PHACTR4: variants seen among roughly 807,000 people sequenced by gnomAD.
PHACTR4 encodes phosphatase and actin regulator 4.
A neutral mutation model predicts 72.7 loss-of-function variants in PHACTR4; 51 were observed. That is an observed-to-expected ratio of 0.70 (90% CI 0.56 to 0.89). The LOEUF (loss-of-function observed/expected upper bound fraction) is 0.89, where lower values mean the gene tolerates loss of function less well. PHACTR4 is among the 40% of genes least tolerant of loss of function. The probability of loss-of-function intolerance (pLI) is 0.00; values close to 1 mark genes in which losing one functional copy is unlikely to be tolerated. For missense variants in PHACTR4, 731 were observed against 861.8 expected, an observed-to-expected ratio of 0.85 and a Z score of 1.90; for synonymous variants, 255 against 302.5, an observed-to-expected ratio of 0.84 and a Z score of 1.63.
intron 8 of PHACTR4, among the ~76,000 whole-genome samples, chr1:28,478,495 G>A (rs1052516732): frequency 3.3e-5 from 5 of 152,170 alleles, no homozygotes; most frequent in African/African-American, 1.2e-4. Context: ...GCAGAGGCAC[G>A]ATCTCAGCTC....
intron 6 of PHACTR4, among the ~76,000 whole-genome samples, chr1:28,469,783 T>C (rs931598639): frequency 6.6e-6 from 1 of 152,160 alleles, no homozygotes; most frequent in East Asian, 1.9e-4. Context: ...GGGCCAGGCA[T>C]GGTGGCTCAT....
rs758524151 is a variant in PHACTR4 at position 28,466,592 on chromosome 1, G to A, written c.647G>A (p.Ser216Asn). The A allele has an allele frequency of 3.1e-6, 5 of 1,613,944 alleles. No homozygotes were observed. In the African/African-American group the frequency reaches 4.0e-5, roughly 13 times the overall value. Residue 216 changes from serine to asparagine, a missense_variant, in exon 6 of 14, where the codon AGC (serine) becomes AAC (asparagine). Around this residue, in one of 2 missense-constraint regions of PHACTR4, gnomAD observed 621 missense variants for 676.6 expected, o/e 0.92. Transcript: ENST00000373839. ...TAPAATTAAT[S>N]LAKTVNLSVT... ...CCCGCTGCCACCACTGCTGCCACAA[G>A]CCTTGCAAAGACTGTTAATCTCTCT...
intron 1 of PHACTR4, among the ~76,000 whole-genome samples, chr1:28,404,062 C>T (rs1480203828): frequency 6.6e-6 from 1 of 151,824 alleles, no homozygotes; most frequent in Non-Finnish European, 1.5e-5. Flanking sequence ...TTTTGGGGGA[C>T]GTTTGTTTTT....
chr1:28,488,693 G>A (rs1660858655), intron 9 of PHACTR4, among the ~76,000 whole-genome samples: 1 of 150,750 alleles, frequency 6.6e-6, no homozygotes, highest in African/African-American at 2.4e-5. Context: ...AAGAAGTTTT[G>A]TGAAAAAAAA....
chr1:28,491,208 TA>T (rs879678760), intron 11 of PHACTR4, among the ~76,000 whole-genome samples, 196 bp downstream of exon 11: 746 of 109,314 alleles, frequency 6.8e-3, no homozygotes, highest in African/African-American at 6.1e-3. Context: ...GTGTCTACAT[TA>T]AAAAAAAAAA....
intron 1 of PHACTR4, among the ~76,000 whole-genome samples, chr1:28,393,603 T>C (rs1257171326): frequency 2.0e-5 from 3 of 152,210 alleles, no homozygotes; most frequent in African/African-American, 7.2e-5. Flanking sequence ...GTATAGTATA[T>C]AATACTTGAT....
chr1:28,487,727 G>GTTGTTTTTTTTTT (rs1660774578), intron 9 of PHACTR4, among the ~76,000 whole-genome samples: 7 of 63,310 alleles, frequency 1.1e-4, no homozygotes, highest in South Asian at 5.5e-4. Flanking sequence ...GTTTTTTGTT[G>GTTGTTTTTTTTTT]TTTTTTTTTT....
intron 6 of PHACTR4, among the ~76,000 whole-genome samples, chr1:28,472,656 C>T (rs1570061179): frequency 6.6e-6 from 1 of 151,538 alleles, no homozygotes; most frequent in East Asian, 1.9e-4. Flanking sequence ...GCCTGGAGTG[C>T]AGTGGCATGA....
intron 1 of PHACTR4, among the ~76,000 whole-genome samples, chr1:28,397,952 A>G (rs1653645083): frequency 6.6e-6 from 1 of 151,802 alleles, no homozygotes; most frequent in Admixed American, 6.6e-5. Flanking sequence ...TGACCTCATG[A>G]TCCGCCCGCC....
chr1:28,401,369 C>T (rs1653933855), intron 1 of PHACTR4, among the ~76,000 whole-genome samples: 2 of 147,546 alleles, frequency 1.4e-5, no homozygotes, highest in Admixed American at 6.8e-5. Flanking sequence ...TGCAGTGGCA[C>T]GATCTTGGCT....
At chr1:28,468,258 A>T (rs1659335930) in intron 6 of PHACTR4, among the ~76,000 whole-genome samples, 1 of 152,190 alleles carries the variant, frequency 6.6e-6, no homozygotes, top group Non-Finnish European at 1.5e-5. Context: ...TATCTTTTCC[A>T]TAGGTAGGGC....
chr1:28,375,242 T>A (rs543931764), intron 1 of PHACTR4, among the ~76,000 whole-genome samples: 27 of 152,030 alleles, frequency 1.8e-4, no homozygotes, highest in African/African-American at 6.0e-4. Context: ...GAGGTTGCAG[T>A]GAGCAGAGAT....
chr1:28,486,913 A>T (rs2124543273), intron 9 of PHACTR4, among the ~76,000 whole-genome samples: 1 of 151,846 alleles, frequency 6.6e-6, no homozygotes, highest in South Asian at 2.1e-4. Flanking sequence ...CTCTAATTCC[A>T]GCCCTTTGGG....
At chr1:28,391,265 G>A (rs909183795) in intron 1 of PHACTR4, among the ~76,000 whole-genome samples, 3 of 150,518 alleles carry the variant, frequency 2.0e-5, no homozygotes, top group Non-Finnish European at 4.4e-5. Flanking sequence ...CGGGCGTGGT[G>A]GTGGGCACCT....
Position 28,474,022 on chromosome 1 carries a change from T to C in PHACTR4, c.1292T>C (p.Met431Thr). ...IQQALTSPLP[M>T]TPILEGSHRA... is the part of the protein sequence containing the mutation. ...CAGGCCCTCACCAGCCCACTTCCCA[T>C]GACTCCTATTCTGGAGGGTTCTCAC... Residue 431 changes from methionine (M) to threonine (T), a missense_variant, in exon 7 of 14, where the codon ATG (methionine) becomes ACG (threonine). Met to Thr is a moderately conservative substitution (Grantham distance 81). Transcript: ENST00000373839. 1.2e-6 allele frequency: 2 copies of C among 1,614,180 alleles called. No homozygotes were observed. Among genetic ancestry groups the C allele is most frequent in the Non-Finnish European group, 1.7e-6 (2 of 1,180,024 alleles).
intron 2 of PHACTR4, among the ~76,000 whole-genome samples, chr1:28,443,451 C>CT (rs919352897): frequency 6.0e-4 from 87 of 145,324 alleles, no homozygotes; most frequent in Middle Eastern, 3.5e-3. Flanking sequence ...CCAGCTAATT[C>CT]TTTTTTTTTT....
intron 2 of PHACTR4, among the ~76,000 whole-genome samples, chr1:28,440,163 G>A (rs1258094575): frequency 2.0e-5 from 3 of 151,384 alleles, no homozygotes; most frequent in African/African-American, 7.3e-5. Context: ...TCAGCTGGGC[G>A]TGGTGGCGGG....
intron 6 of PHACTR4, among the ~76,000 whole-genome samples, chr1:28,472,167 G>T (rs1659602245): frequency 6.6e-6 from 1 of 150,840 alleles, no homozygotes; most frequent in South Asian, 2.1e-4. Flanking sequence ...GAGCCGAGAT[G>T]GCACCACTGC....
chr1:28,411,580 G>T (rs1250800438), intron 2 of PHACTR4, among the ~76,000 whole-genome samples: 2 of 152,084 alleles, frequency 1.3e-5, no homozygotes, highest in African/African-American at 2.4e-5. Flanking sequence ...ACAAAGAAAA[G>T]AATTGAGGAT....
Sources: allele counts gnomAD v4.1 joint callset (sites outside exome capture counted in the v4.1 genomes callset), GRCh38; gene constraint gnomAD v4.1.1; regional missense constraint gnomAD v4.1.1; transcripts MANE v1.5; gene names NCBI Gene and HGNC (gene_info 2026-07-23, HGNC 2026-07-21).